Variants in RORA observed in about 807,000 individuals in gnomAD.
The protein encoded by RORA is RAR related orphan receptor A, also known as nuclear receptor ROR-alpha.
A neutral mutation model predicts 69.5 loss-of-function variants in RORA; 7 were observed. The ratio of observed to expected loss-of-function variants is 0.10; its 90% CI spans 0.06 to 0.19. The LOEUF (loss-of-function observed/expected upper bound fraction) is 0.19. RORA is among the 10% of genes least tolerant of loss of function. The probability of loss-of-function intolerance (pLI) is 1.00; values close to 1 mark genes in which losing one functional copy is unlikely to be tolerated. For synonymous variants in RORA, 261 were observed against 240.8 expected, an observed-to-expected ratio of 1.08 and a Z score of -0.78; for missense variants, 457 against 663.0, an observed-to-expected ratio of 0.69 and a Z score of 3.41.
intron 2 of RORA, chr15:60,592,646 C>A: frequency 8.9e-7 from 1 of 1,122,104 alleles, no homozygotes; most frequent in Non-Finnish European, 1.1e-6. Context: ...AGGCGGGAGG[C>A]GGGAGGCGGG....
chr15:60,941,931 A>T (rs915474307), intron 1 of RORA, among the ~76,000 whole-genome samples: 1 of 152,206 alleles, frequency 6.6e-6, no homozygotes, highest in Non-Finnish European at 1.5e-5. Context: ...TTTTAGGAAG[A>T]TAATTGTTGA....
At chr15:60,499,721 AGCTGTG>A (rs1567037091) in intron 10 of RORA, among the ~76,000 whole-genome samples, 165 bp downstream of exon 10, 3 of 152,228 alleles carry the variant, frequency 2.0e-5, no homozygotes, top group Non-Finnish European at 4.4e-5. Context: ...CTGAATAATG[AGCTGTG>A]GCTCAACAGA....
At chr15:60,650,860 G>A (rs339995) in intron 2 of RORA, among the ~76,000 whole-genome samples, 70,232 of 152,012 alleles carry the variant, frequency 0.46, 17,730 homozygotes, top group African/African-American at 0.68. Flanking sequence ...TCATAACCAT[G>A]TTTTGGTTGG....
intron 1 of RORA, among the ~76,000 whole-genome samples, chr15:60,888,330 G>A (rs929413630): frequency 4.6e-5 from 7 of 152,138 alleles, no homozygotes; most frequent in Non-Finnish European, 1.0e-4. Context: ...GCAGCAGGCC[G>A]GTGGGCCTGG....
At chr15:60,899,240 T>G (rs1004497989) in intron 1 of RORA, among the ~76,000 whole-genome samples, 1 of 152,226 alleles carries the variant, frequency 6.6e-6, no homozygotes, top group African/African-American at 2.4e-5. Context: ...AGTAACTGCA[T>G]ATACCAGTTT....
At chr15:61,201,586 C>G (rs1194517799) in intron 1 of RORA, among the ~76,000 whole-genome samples, 1 of 152,136 alleles carries the variant, frequency 6.6e-6, no homozygotes, top group Admixed American at 6.5e-5. Context: ...CACATTAACT[C>G]AAATTTTTCC....
chr15:60,979,308 T>C, intron 1 of RORA, among the ~76,000 whole-genome samples: 1 of 144,082 alleles, frequency 6.9e-6, no homozygotes, highest in East Asian at 2.0e-4. Context: ...ATATTTTGGC[T>C]ATCCAATGTC....
intron 1 of RORA, among the ~76,000 whole-genome samples, chr15:60,838,829 C>T (rs1467306819): frequency 6.8e-6 from 1 of 146,524 alleles, no homozygotes; most frequent in East Asian, 2.0e-4. Context: ...GGTCATCCTT[C>T]AAAACATTCA....
intron 1 of RORA, among the ~76,000 whole-genome samples, chr15:60,798,951 T>A (rs369346735): frequency 0.012 from 1,619 of 137,598 alleles, 30 homozygotes; most frequent in African/African-American, 0.041. Flanking sequence ...TTTTTTTTTT[T>A]AAACTCAAGG....
intron 1 of RORA, among the ~76,000 whole-genome samples, chr15:60,683,449 C>T (rs1181952585): frequency 6.6e-6 from 1 of 152,116 alleles, no homozygotes; most frequent in Non-Finnish European, 1.5e-5. Flanking sequence ...CAATGTGGCT[C>T]ATAATCAAAG....
intron 1 of RORA, among the ~76,000 whole-genome samples, chr15:60,855,117 G>A (rs2073365478): frequency 6.6e-6 from 1 of 152,218 alleles, no homozygotes; most frequent in Non-Finnish European, 1.5e-5. Context: ...GGCACTGTTT[G>A]CTTTATTAGC....
chr15:60,531,555 T>C lies in RORA; in HGVS notation c.282+211A>G. Reference sequence around the variant, plus strand: ...AAACAAGCAATGCTCAAATACCTTTTTGTAATCTCCTATTATTTTGAAGGA... The same window carrying C: ...AAACAAGCAATGCTCAAATACCTTTCTGTAATCTCCTATTATTTTGAAGGA... On this transcript the variant is annotated intron_variant, in intron 3 of 10. Transcript: ENST00000335670. The surrounding 1 kb of genome is among the most constrained non-coding windows in gnomAD (Gnocchi z 4.8). 2.1e-6 allele frequency: 1 copy of C among 486,298 alleles called. No individual in the cohort carries two copies. The highest frequency in any genetic ancestry group is 3.6e-6 in the Non-Finnish European group (1 of 280,976). 30.1% of individuals were successfully genotyped at this position (486,298 alleles called of 1,614,324 possible).
intron 1 of RORA, among the ~76,000 whole-genome samples, chr15:61,158,115 G>A (rs2079461813): frequency 6.6e-6 from 1 of 152,146 alleles, no homozygotes; most frequent in South Asian, 2.1e-4. Flanking sequence ...ATCCCAAATG[G>A]AGTGTTGGTC....
intron 2 of RORA, among the ~76,000 whole-genome samples, chr15:60,673,659 G>C (rs1336912253): frequency 6.6e-6 from 1 of 152,120 alleles, no homozygotes; most frequent in African/African-American, 2.4e-5. Context: ...TTGTTTTCCA[G>C]TTATGAGCGA....
chr15:61,127,729 T>A (rs1399516227), intron 1 of RORA, among the ~76,000 whole-genome samples: 1 of 152,194 alleles, frequency 6.6e-6, no homozygotes, highest in Non-Finnish European at 1.5e-5. Flanking sequence ...AGGCTTCCAA[T>A]ATTTTTCAAT....
Position 61,213,015 on chromosome 15 carries a change from T to C in RORA, c.166+16038A>G, listed in dbSNP as rs2080007533. Reference sequence around the variant, plus strand: ...CTTGCCTAATGCCACATGTAACATATTGTCACCTGCTCCCTGCTAGACCCC... The same window carrying C: ...CTTGCCTAATGCCACATGTAACATACTGTCACCTGCTCCCTGCTAGACCCC... On this transcript the variant is annotated intron_variant, in intron 1 of 10. Coordinates refer to ENST00000335670, the MANE Select transcript of RORA (RefSeq NM_134261.3). The surrounding 1 kb of genome is among the most constrained non-coding windows in gnomAD (Gnocchi z 4.1). Among the ~76,000 whole-genome samples, 1 of 152,164 alleles carries C rather than the reference T, an allele frequency of 6.6e-6. No individual in the cohort carries two copies. The highest frequency in any genetic ancestry group is 1.5e-5 in the Non-Finnish European group (1 of 68,032).
chr15:60,747,285 C>G (rs562673326), intron 1 of RORA, among the ~76,000 whole-genome samples: 2 of 152,244 alleles, frequency 1.3e-5, no homozygotes, highest in South Asian at 4.1e-4. Context: ...ATCTTTTTAA[C>G]TGGGAGATGG....
intron 1 of RORA, among the ~76,000 whole-genome samples, chr15:60,788,820 C>T (rs1013752638): frequency 3.9e-5 from 6 of 152,194 alleles, no homozygotes; most frequent in African/African-American, 7.2e-5. Flanking sequence ...GCCCCTGTCC[C>T]GCTTAATAAC....
intron 1 of RORA, among the ~76,000 whole-genome samples, chr15:61,096,302 CTGGT>C: frequency 6.6e-6 from 1 of 152,092 alleles, no homozygotes; most frequent in Non-Finnish European, 1.5e-5. Context: ...CCAGTGTGCT[CTGGT>C]ATAAGTTCAC....
Sources: gnomAD v4.1 joint callset for allele counts (sites outside exome capture counted in the v4.1 genomes callset) on GRCh38, gnomAD v4.1.1 for gene constraint, Gnocchi (gnomAD v3.1) non-coding constraint, MANE v1.5 for transcripts, NCBI Gene and HGNC (gene_info 2026-07-23, HGNC 2026-07-21) for gene names.